Variants in DLL1 observed in about 807,000 individuals in gnomAD.
The protein encoded by DLL1 is delta-like protein 1.
DLL1 carries 9 observed loss-of-function variants against 75.1 expected under a neutral mutation model. The observed-to-expected ratio is 0.12, with a 90% CI of 0.07 to 0.21. The LOEUF is 0.21. Among genes scored for constraint, DLL1 ranks in the 10% least tolerant of loss-of-function variants. The pLI, the probability that DLL1 is intolerant of heterozygous loss-of-function variation, is 1.00. For synonymous variants in DLL1, 477 were observed against 418.3 expected, an observed-to-expected ratio of 1.14 and a Z score of -1.71; for missense variants, 837 against 1,007.6, an observed-to-expected ratio of 0.83 and a Z score of 2.29.
At chr6:170,284,358 A>G (rs1228402093) in intron 8 of DLL1, among the ~76,000 whole-genome samples, 1 of 150,198 alleles carries the variant, frequency 6.7e-6, no homozygotes, top group East Asian at 2.0e-4. Context: ...CTGAGGCTTA[A>G]CGAGGGTGTC....
chr6:170,284,858 A>G, intron 8 of DLL1, 61 bp downstream of exon 8: 1 of 1,537,730 alleles, frequency 6.5e-7, no homozygotes, highest in Non-Finnish European at 9.0e-7. Context: ...CTTGTTTTTA[A>G]TGCCACCTCA....
At chr6:170,287,344 T>A (rs946847378) in intron 4 of DLL1, among the ~76,000 whole-genome samples, 2 of 152,104 alleles carry the variant, frequency 1.3e-5, no homozygotes, top group African/African-American at 4.8e-5. Context: ...GGAAGGAGAA[T>A]GACAGTTCCC....
Position 170,290,248 on chromosome 6 carries a change from C to T in DLL1, c.-109G>A. 7.6e-7 allele frequency: 1 copy of T among 1,323,242 alleles called. No individual in the cohort carries two copies. Among genetic ancestry groups the T allele is most frequent in the Non-Finnish European group, 1.0e-6 (1 of 965,122 alleles). The allele number at this position is 1,323,242 out of a possible 1,614,324, so 82.0% of individuals were successfully genotyped here. A position where few individuals can be genotyped will look rare whatever the true frequency, so the allele number is the denominator to read the frequency against. Reference sequence around the variant, plus strand: ...ACGGGGAGCGTGGGCAGAAAAGCGCCCTTGCCTCGCCCCAGACCGCAGGAC... The same window carrying T: ...ACGGGGAGCGTGGGCAGAAAAGCGCTCTTGCCTCGCCCCAGACCGCAGGAC... On this transcript the variant is annotated 5_prime_UTR_variant, in exon 1 of 11. Transcript: ENST00000366756. The surrounding 1 kb of genome is among the most constrained non-coding windows in gnomAD (Gnocchi z 4.7).
At chr6:170,285,812 G>A (rs1308602054) in intron 5 of DLL1, 113 bp from the exon 6 acceptor site, 1 of 1,477,620 alleles carries the variant, frequency 6.8e-7, no homozygotes, top group African/African-American at 1.4e-5. Flanking sequence ...TGGTTCTCCA[G>A]ATTAGCAGAA....
rs533166036 is a variant in DLL1, at chr6:170,282,491, C to T, written c.*383G>A. Reference sequence around the variant, plus strand: ...TTTCCATCTAGAAAAAGCACATCTTCGTATCAAAAAGGACAATAAAGGCAG... The same window carrying T: ...TTTCCATCTAGAAAAAGCACATCTTTGTATCAAAAAGGACAATAAAGGCAG... On this transcript the variant is annotated 3_prime_UTR_variant, in exon 11 of 11. Transcript: ENST00000366756. The T allele has an allele frequency of 5.0e-4, 158 of 316,708 alleles. No homozygotes were observed. The highest frequency in any genetic ancestry group is 1.9e-3 in the Middle Eastern group (2 of 1,072). 19.6% of individuals were successfully genotyped at this position (316,708 alleles called of 1,614,324 possible).
intron 4 of DLL1, among the ~76,000 whole-genome samples, chr6:170,287,936 C>T (rs1446606330): frequency 6.6e-6 from 1 of 152,160 alleles, no homozygotes; most frequent in Non-Finnish European, 1.5e-5. Context: ...ATACACACAC[C>T]CTGGGGGTAG....
chr6:170,289,341 C>T (rs1269444380), intron 2 of DLL1, 171 bp downstream of exon 2: 3 of 1,127,444 alleles, frequency 2.7e-6, no homozygotes, highest in Admixed American at 2.4e-5. Flanking sequence ...GCGAGGTGTC[C>T]GCGCTGCTGG....
At chr6:170,284,422 G>C (rs752149045) in intron 8 of DLL1, among the ~76,000 whole-genome samples, 2 of 152,170 alleles carry the variant, frequency 1.3e-5, no homozygotes, top group African/African-American at 2.4e-5. Context: ...AACAGGGGAG[G>C]GAGGGAGGGG....
chr6:170,288,321 G>C lies in DLL1; in HGVS notation c.588C>G (p.Asp196Glu), dbSNP rs761427052. The change falls in exon 4 of 11, where the codon GAC becomes GAG. Residue 196 changes from aspartate to glutamate, a missense_variant. Asp to Glu is a conservative substitution (Grantham distance 45, BLOSUM62 2). Coordinates refer to ENST00000366756, the MANE Select transcript of DLL1 (RefSeq NM_005618.4). ...EGCSVFCRPR[D>E]DAFGHFTCGE... ...CACAGGTGAAGTGGCCGAAGGCATCGTCCCGGGGACGGCAGAAAACGGAGC... is the reference window on the plus strand; with the variant it reads ...CACAGGTGAAGTGGCCGAAGGCATCCTCCCGGGGACGGCAGAAAACGGAGC... The C allele has an allele frequency of 3.1e-6, 5 of 1,613,952 alleles. No homozygotes were observed. Among genetic ancestry groups the C allele is most frequent in the Non-Finnish European group, 4.2e-6 (5 of 1,180,054 alleles).
chr6:170,289,739 G>T lies in DLL1; in HGVS notation c.124C>A (p.Arg42Ser), dbSNP rs1369929885. ...FVNKKGLLGN[R>S]NCCRGGAGPP... Reference sequence around the variant, plus strand: ...CCCGCGCCCCCGCGGCAGCAGTTGCGGTTCCCCAGCAGCCCCTTCTTGTTG... The same window carrying T: ...CCCGCGCCCCCGCGGCAGCAGTTGCTGTTCCCCAGCAGCCCCTTCTTGTTG... The change falls in exon 2 of 11, where the codon CGC (arginine) becomes AGC (serine). Residue 42 changes from arginine (R) to serine (S), a missense_variant. Arg to Ser is a moderately radical substitution (Grantham distance 110). Coordinates refer to ENST00000366756, the MANE Select transcript of DLL1 (RefSeq NM_005618.4). 4 of 1,551,482 alleles carry T rather than the reference G, an allele frequency of 2.6e-6. No individual in the cohort carries two copies. In the South Asian group the frequency reaches 3.6e-5, roughly 14 times the overall value.
chr6:170,282,712 G>A lies in DLL1; in HGVS notation c.*162C>T. On this transcript the variant is annotated 3_prime_UTR_variant, in exon 11 of 11. Transcript: ENST00000366756. ...GCCGGGCCGCGACAGGCTGTCGGCA[G>A]GCGTCGAGGACCTCAGGAGGAGAAC... 8.2e-7 allele frequency: 1 copy of A among 1,214,706 alleles called. No homozygotes were observed. The highest frequency in any genetic ancestry group is 1.2e-6 in the Non-Finnish European group (1 of 829,514). 75.2% of individuals were successfully genotyped at this position (1,214,706 alleles called of 1,614,324 possible). A position where few individuals can be genotyped will look rare whatever the true frequency, so the allele number is the denominator to read the frequency against.
In DLL1 at chr6:170,286,238, T is replaced by C. The variant is rs1397628605; in HGVS notation, c.731A>G (p.Lys244Arg). 2 of 1,614,220 alleles carry C rather than the reference T, an allele frequency of 1.2e-6. No individual in the cohort carries two copies. Among genetic ancestry groups the C allele is most frequent in the South Asian group, 1.1e-5 (1 of 91,088 alleles). ...HGFCDKPGECKCRVGWQGRYC... is the reference protein window; with the variant it reads ...HGFCDKPGECRCRVGWQGRYC... Reference sequence around the variant, plus strand: ...AAAACACCACCTTGTGCAGACTTACTTGCATTCCCCTGGTTTGTCACAAAA... The same window carrying C: ...AAAACACCACCTTGTGCAGACTTACCTGCATTCCCCTGGTTTGTCACAAAA... Residue 244 changes from lysine to arginine, a missense_variant and splice_region_variant, in exon 5 of 11, where the codon AAG becomes AGG. Physicochemically the swap from Lys to Arg is conservative, Grantham distance 26 (BLOSUM62 2). Coordinates refer to ENST00000366756, the MANE Select transcript of DLL1 (RefSeq NM_005618.4).
rs150138823 is a variant in DLL1 at position 170,283,937 on chromosome 6, C to A, written c.1342G>T (p.Ala448Ser). The A allele has an allele frequency of 2.5e-6, 4 of 1,595,166 alleles. No individual in the cohort carries two copies. Among genetic ancestry groups the A allele is most frequent in the Non-Finnish European group, 3.4e-6 (4 of 1,174,202 alleles). Residue 448 changes from alanine (A) to serine (S), a missense_variant, in exon 9 of 11, where the codon GCC becomes TCC. Physicochemically the swap from Ala to Ser is moderately conservative, Grantham distance 99. Transcript: ENST00000366756. ...RHCDDNVDDC[A>S]SSPCANGGTC... ...CCCCCGTTGGCGCACGGGGAGGAGG[C>A]GCAGTCGTCCACGTTGTCGTCACAG...
In DLL1 at chr6:170,283,279, G is replaced by C; in HGVS notation, c.2000C>G (p.Pro667Arg). 1 of 1,613,140 alleles carries C rather than the reference G, an allele frequency of 6.2e-7. No homozygotes were observed. ...CTTCTCCTCCCCTGAGGAGCCCTGG[G>C]GCTGGCACTTGGTGTCACGCTTGCT... ...AHSKRDTKCQ[P>R]QGSSGEEKGT... Residue 667 changes from proline to arginine, a missense_variant, in exon 9 of 11, where the codon CCC (proline) becomes CGC (arginine). Transcript: ENST00000366756.
Position 170,289,686 on chromosome 6 carries a change from G to A in DLL1, c.177C>T (p.Phe59=), listed in dbSNP as rs913116172. 7 of 1,546,716 alleles carry A rather than the reference G, an allele frequency of 4.5e-6. No homozygotes were observed. Among genetic ancestry groups the A allele is most frequent in the Admixed American group, 3.9e-5 (2 of 50,972 alleles). Residue 59 remains phenylalanine, a synonymous_variant, in exon 2 of 11, where the codon TTC becomes TTT. Transcript: ENST00000366756. ...GGTAGTGCTTGAGGCACACGCGGAA[G>A]AAGGTCCGGCAGGCGCACGGCGGTG... The part of the protein sequence containing the change: ...AGPPPCACRT[F]FRVCLKHYQA...
chr6:170,283,578 G>C lies in DLL1; in HGVS notation c.1701C>G (p.Val567=). 7 of 1,613,064 alleles carry C rather than the reference G, an allele frequency of 4.3e-6. No homozygotes were observed. The highest frequency in any genetic ancestry group is 5.9e-6 in the Non-Finnish European group (7 of 1,179,970). Residue 567 remains valine (V), a synonymous_variant, in exon 9 of 11, where the codon GTC becomes GTG. Transcript: ENST00000366756. ...MLLLGCAAVV[V]CVRLRLQKHR... ...GCTTCTGCAGCCTCAGCCGGACGCA[G>C]ACCACCACAGCGGCACAGCCCAGCA...
intron 3 of DLL1, 109 bp from the exon 4 acceptor site, chr6:170,288,605 C>T: frequency 5.0e-6 from 8 of 1,610,002 alleles, no homozygotes; most frequent in Middle Eastern, 1.7e-4. Flanking sequence ...CAAGCTGCTC[C>T]ACCCTGAACT....
In DLL1 at chr6:170,283,950, G is replaced by C. The variant is rs142808021; in HGVS notation, c.1329C>G (p.Asn443Lys). ...AGFSGRHCDD[N>K]VDDCASSPCA... is the part of the protein sequence containing the mutation. ...ACGGGGAGGAGGCGCAGTCGTCCAC[G>C]TTGTCGTCACAGTGCCTCCCCGAGA... is the stretch of plus-strand genomic sequence containing the variant. Residue 443 changes from asparagine to lysine, a missense_variant, in exon 9 of 11, where the codon AAC becomes AAG. Physicochemically the swap from Asn to Lys is moderately conservative, Grantham distance 94 (BLOSUM62 0). This residue lies in a region of DLL1 where 533 missense variants were observed against 545.7 expected (regional missense o/e 0.98). Transcript: ENST00000366756. The C allele has an allele frequency of 3.1e-5, 49 of 1,591,998 alleles. No homozygotes were observed. The highest frequency in any genetic ancestry group is 4.0e-5 in the Non-Finnish European group (47 of 1,172,940).
rs540404589 is a variant in DLL1, at chr6:170,284,046, T to C, written c.1250-17A>G. 115 of 1,553,984 alleles carry C rather than the reference T, an allele frequency of 7.4e-5. No individual in the cohort carries two copies. In the East Asian group the frequency reaches 2.8e-3, roughly 37 times the overall value. On this transcript the variant is annotated splice_polypyrimidine_tract_variant and intron_variant, in intron 8 of 10. Transcript: ENST00000366756. ...ACTTGGCACCTGGAACACAGGGACA[T>C]GAACATCACGTGTCTCCTCGTAGGT...
Sources: allele counts gnomAD v4.1 joint callset (sites outside exome capture counted in the v4.1 genomes callset), GRCh38; gene constraint gnomAD v4.1.1; regional missense constraint gnomAD v4.1.1; non-coding constraint Gnocchi (gnomAD v3.1); transcripts MANE v1.5; gene names NCBI Gene and HGNC (gene_info 2026-07-23, HGNC 2026-07-21).